The following APBA1 variants were observed in gnomAD, a reference collection of about 807,000 sequenced individuals.
APBA1 encodes amyloid beta precursor protein binding family A member 1.
A neutral mutation model predicts 86.6 loss-of-function variants in APBA1; 55 were observed. The observed-to-expected ratio is 0.64, with a 90% CI of 0.51 to 0.80. The LOEUF is 0.80. APBA1 is among the 30% of genes least tolerant of loss of function. The pLI, the probability that APBA1 is intolerant of heterozygous loss-of-function variation, is 0.00. For synonymous variants in APBA1, 511 were observed against 493.9 expected (o/e 1.03, Z -0.46); for missense variants, 1,090 against 1,183.0 (o/e 0.92, Z 1.15).
At chr9:69,485,469 A>C (rs1835592382) in intron 2 of APBA1, among the ~76,000 whole-genome samples, 2 of 152,170 alleles carry the variant, frequency 1.3e-5, no homozygotes, top group African/African-American at 4.8e-5. Context: ...ATTTGGAGGC[A>C]AAATTTAGGC....
At chr9:69,511,462 T>C (rs1836038566) in intron 2 of APBA1, among the ~76,000 whole-genome samples, 1 of 152,120 alleles carries the variant, frequency 6.6e-6, no homozygotes, top group African/African-American at 2.4e-5. Flanking sequence ...GGAACACTTT[T>C]ACACTGTTGG....
At chr9:69,471,761 T>C in intron 3 of APBA1, 66 bp from the exon 4 acceptor site, 1 of 1,263,518 alleles carries the variant, frequency 7.9e-7, no homozygotes, top group Non-Finnish European at 1.1e-6. Flanking sequence ...AACACAATCA[T>C]CCATGCAACA....
intron 1 of APBA1, among the ~76,000 whole-genome samples, chr9:69,545,796 G>A (rs931011247): frequency 1.3e-5 from 2 of 152,152 alleles, no homozygotes; most frequent in Non-Finnish European, 2.9e-5. Flanking sequence ...TGGCTCAGAT[G>A]TGAAATGACT....
At chr9:69,581,072 TAC>T (rs1821905303) in intron 1 of APBA1, among the ~76,000 whole-genome samples, 1 of 152,128 alleles carries the variant, frequency 6.6e-6, no homozygotes. Flanking sequence ...ATACCATGGA[TAC>T]ACCCCACAAA....
At chr9:69,604,909 G>T (rs1455965810) in intron 1 of APBA1, among the ~76,000 whole-genome samples, 1 of 132,808 alleles carries the variant, frequency 7.5e-6, no homozygotes, top group African/African-American at 2.8e-5. Context: ...GAGGCACACG[G>T]GTATGGGCAC....
chr9:69,496,606 G>A (rs1402944331), intron 2 of APBA1, among the ~76,000 whole-genome samples: 4 of 152,036 alleles, frequency 2.6e-5, no homozygotes, highest in Non-Finnish European at 5.9e-5. Flanking sequence ...ACTCTAATCC[G>A]AATCAGTGGG....
At chr9:69,550,104 T>G (rs925983867) in intron 1 of APBA1, among the ~76,000 whole-genome samples, 5 of 152,252 alleles carry the variant, frequency 3.3e-5, no homozygotes, top group African/African-American at 1.2e-4. Context: ...TTTTCTGTAT[T>G]GGACCTTATA....
At chr9:69,661,662 C>T (rs1235678290) in intron 1 of APBA1, among the ~76,000 whole-genome samples, 2 of 152,118 alleles carry the variant, frequency 1.3e-5, no homozygotes, top group Non-Finnish European at 2.9e-5. Flanking sequence ...TTGGGAGGTG[C>T]ATGGGTCATG....
At chr9:69,587,348 G>C (rs897336532) in intron 1 of APBA1, among the ~76,000 whole-genome samples, 3 of 152,190 alleles carry the variant, frequency 2.0e-5, no homozygotes, top group Non-Finnish European at 4.4e-5. Flanking sequence ...ATTTGCCACT[G>C]TAAGCAAGAG....
intron 1 of APBA1, among the ~76,000 whole-genome samples, chr9:69,626,587 A>G (rs975336331): frequency 6.6e-6 from 1 of 152,150 alleles, no homozygotes; most frequent in African/African-American, 2.4e-5. Flanking sequence ...AAAATATGGA[A>G]TAGAAAAAAA....
At chr9:69,468,780 A>G (rs747998144) in intron 4 of APBA1, among the ~76,000 whole-genome samples, 10 of 152,338 alleles carry the variant, frequency 6.6e-5, no homozygotes, top group Non-Finnish European at 1.3e-4. Context: ...CGAAATTAAA[A>G]CGTGTCTGTG....
At chr9:69,607,754 A>G (rs1416131556) in intron 1 of APBA1, among the ~76,000 whole-genome samples, 2 of 152,134 alleles carry the variant, frequency 1.3e-5, no homozygotes, top group African/African-American at 4.8e-5. Flanking sequence ...AAGACTAACT[A>G]GTGTTTAGAT....
At chr9:69,435,603 GTGTT>G (rs1306248238) in intron 11 of APBA1, among the ~76,000 whole-genome samples, 34 of 152,236 alleles carry the variant, frequency 2.2e-4, no homozygotes, top group African/African-American at 8.2e-4. Flanking sequence ...CTTTTGAGAA[GTGTT>G]TGTTCATATC....
At chr9:69,662,765 G>A (rs143411753) in intron 1 of APBA1, among the ~76,000 whole-genome samples, 2,158 of 152,252 alleles carry the variant, frequency 0.014, 44 homozygotes, top group African/African-American at 0.044. Context: ...TGAAGGACAG[G>A]AAAGAATCGT....
intron 1 of APBA1, among the ~76,000 whole-genome samples, chr9:69,560,222 G>A (rs756494025): frequency 6.6e-6 from 1 of 152,102 alleles, no homozygotes. Context: ...TCATACTTTG[G>A]TGATTTCTCT....
chr9:69,475,103 A>G (rs1471296148), intron 3 of APBA1, among the ~76,000 whole-genome samples: 1 of 152,194 alleles, frequency 6.6e-6, no homozygotes, highest in Non-Finnish European at 1.5e-5. Flanking sequence ...GTGGCAGTTC[A>G]CTAGGTGTAA....
At chr9:69,561,298 T>C (rs969666778) in intron 1 of APBA1, among the ~76,000 whole-genome samples, 4 of 152,204 alleles carry the variant, frequency 2.6e-5, no homozygotes, top group African/African-American at 7.2e-5. Flanking sequence ...GTTTATATGA[T>C]GGTGCAAGCA....
chr9:69,585,418 G>A (rs951835443), intron 1 of APBA1, among the ~76,000 whole-genome samples: 2 of 152,174 alleles, frequency 1.3e-5, no homozygotes, highest in East Asian at 1.9e-4. Flanking sequence ...GTGTGTGCCC[G>A]CTTCCTTCAT....
intron 1 of APBA1, among the ~76,000 whole-genome samples, chr9:69,609,728 T>C (rs1564091295): frequency 6.6e-6 from 1 of 152,198 alleles, no homozygotes; most frequent in Non-Finnish European, 1.5e-5. Flanking sequence ...TCCATTTCTG[T>C]GAGTCACCTT....
Sources: allele counts gnomAD v4.1 joint callset (sites outside exome capture counted in the v4.1 genomes callset), GRCh38; gene constraint gnomAD v4.1.1; transcripts MANE v1.5; gene names NCBI Gene and HGNC (gene_info 2026-07-23, HGNC 2026-07-21).